The following CPAP variants were observed in gnomAD, a reference collection of about 807,000 sequenced individuals.
CPAP encodes centrosomal P4.1-associated protein.
chr13:24,917,942 G>C, the CPAP span, among the ~76,000 whole-genome samples: 5 of 152,172 alleles, frequency 3.3e-5, no homozygotes, highest in Admixed American at 3.3e-4. Flanking sequence ...CCATTCATTA[G>C]GGTGGAGCCC....
chr13:24,884,034 A>G, the CPAP span: 1 of 1,614,052 alleles, frequency 6.2e-7, no homozygotes, highest in East Asian at 2.2e-5. Flanking sequence ...AGTTTTTAAC[A>G]GTCTGGTCAG....
the CPAP span, among the ~76,000 whole-genome samples, chr13:24,900,705 G>A: frequency 1.3e-5 from 2 of 152,202 alleles, no homozygotes; most frequent in African/African-American, 4.8e-5. Flanking sequence ...GGCTCTGGAT[G>A]TGTGTGAAGA....
chr13:24,882,311 T>TAAGTC, the CPAP span: 12 of 151,682 alleles, frequency 7.9e-5, no homozygotes, highest in South Asian at 2.5e-3. Flanking sequence ...CATATTCAGT[T>TAAGTC]AAGTCACCTG....
the CPAP span, chr13:24,892,858 G>A: frequency 6.3e-7 from 1 of 1,580,556 alleles, no homozygotes; most frequent in East Asian, 2.2e-5. Context: ...GCTATTTGCT[G>A]TTTTAAAGTC....
At chr13:24,921,495 G>GCTTA in the CPAP span, among the ~76,000 whole-genome samples, 29,196 of 151,924 alleles carry the variant, frequency 0.19, 2,975 homozygotes, top group South Asian at 0.33. Context: ...TAATACAGGG[G>GCTTA]GTGGATACAC....
At chr13:24,909,883 G>T in the CPAP span, 1 of 1,613,926 alleles carries the variant, frequency 6.2e-7, no homozygotes. Flanking sequence ...GGAGACGCAC[G>T]TTTTGAAGTT....
the CPAP span, chr13:24,899,380 T>C: frequency 1.3e-6 from 2 of 1,516,344 alleles, no homozygotes; most frequent in Non-Finnish European, 1.8e-6. Context: ...TTGTCACCTT[T>C]ACTAACTTAC....
At chr13:24,883,388 AT>A in the CPAP span, 73 of 1,552,322 alleles carry the variant, frequency 4.7e-5, no homozygotes, top group East Asian at 4.5e-5. Flanking sequence ...TTTAAAAAAA[AT>A]ATGATTTCTT....
the CPAP span, chr13:24,885,217 A>C: frequency 1.1e-5 from 13 of 1,158,292 alleles, no homozygotes; most frequent in South Asian, 1.4e-4. Flanking sequence ...ATGTGTTTCA[A>C]CTATTTTAAC....
the CPAP span, among the ~76,000 whole-genome samples, chr13:24,897,108 G>A: frequency 2.6e-5 from 4 of 152,202 alleles, no homozygotes; most frequent in African/African-American, 9.7e-5. Flanking sequence ...CAGCCATGGT[G>A]GTGGGCACCT....
the CPAP span, among the ~76,000 whole-genome samples, chr13:24,916,029 G>A: frequency 6.6e-6 from 1 of 152,166 alleles, no homozygotes; most frequent in African/African-American, 2.4e-5. Flanking sequence ...TGAGTGGAGA[G>A]GATGCATGAC....
the CPAP span, among the ~76,000 whole-genome samples, chr13:24,920,197 T>C: frequency 6.6e-6 from 1 of 152,248 alleles, no homozygotes; most frequent in African/African-American, 2.4e-5. Flanking sequence ...TAATACACAT[T>C]GAAAATTCTT....
chr13:24,899,686 T>A, the CPAP span: 3 of 869,706 alleles, frequency 3.4e-6, no homozygotes, highest in Non-Finnish European at 5.7e-6. Flanking sequence ...AGTGAATTCA[T>A]CTTCAATCCA....
At chr13:24,909,927 T>C in the CPAP span, 2 of 1,614,182 alleles carry the variant, frequency 1.2e-6, no homozygotes, top group Non-Finnish European at 1.7e-6. Flanking sequence ...TCTACAGAAG[T>C]TGCTTTGCTC....
At chr13:24,898,076 C>T in the CPAP span, among the ~76,000 whole-genome samples, 3 of 152,014 alleles carry the variant, frequency 2.0e-5, no homozygotes, top group African/African-American at 7.2e-5. Context: ...TTGTATTTTT[C>T]GTAGAGATGG....
chr13:24,887,981 A>G, the CPAP span, among the ~76,000 whole-genome samples: 1 of 152,220 alleles, frequency 6.6e-6, no homozygotes, highest in African/African-American at 2.4e-5. Flanking sequence ...GGCTCCACAG[A>G]GGGCAGTTCC....
At chr13:24,913,034 A>T in the CPAP span, 4 of 1,611,452 alleles carry the variant, frequency 2.5e-6, no homozygotes, top group Non-Finnish European at 2.5e-6. Flanking sequence ...ATCTTAGTCC[A>T]ATGACACTAT....
At chr13:24,882,469 T>G in the CPAP span, 1 of 145,758 alleles carries the variant, frequency 6.9e-6, no homozygotes, top group South Asian at 2.3e-4. Flanking sequence ...CTTGCTTCCA[T>G]GAGGCTACAG....
the CPAP span, chr13:24,892,994 G>T: frequency 9.5e-6 from 7 of 740,586 alleles, no homozygotes; most frequent in Admixed American, 2.6e-5. Flanking sequence ...GTCAACAGAC[G>T]ACATTTAAGA....
Sources: allele counts gnomAD v4.1 joint callset (sites outside exome capture counted in the v4.1 genomes callset), GRCh38; gene constraint gnomAD v4.1.1; transcripts MANE v1.5; gene names NCBI Gene and HGNC (gene_info 2026-07-23, HGNC 2026-07-21).